TMPRSS11A: variants seen among roughly 807,000 people sequenced by gnomAD.
TMPRSS11A encodes the protein transmembrane protease serine 11A.
In TMPRSS11A, 53 loss-of-function variants were observed where a neutral mutation model predicts 58.9. The ratio of observed to expected loss-of-function variants is 0.90; its 90% CI spans 0.72 to 1.13. The LOEUF (loss-of-function observed/expected upper bound fraction) is 1.13, where lower values mean the gene tolerates loss of function less well. Ranked by LOEUF, TMPRSS11A falls within the 50% of genes most tolerant of loss-of-function variation. The probability of loss-of-function intolerance (pLI) is 0.00; values close to 1 mark genes in which losing one functional copy is unlikely to be tolerated. For synonymous variants in TMPRSS11A, 167 were observed against 169.8 expected (o/e 0.98, Z 0.13); for missense variants, 493 against 499.3 (o/e 0.99, Z 0.12).
intron 1 of TMPRSS11A, among the ~76,000 whole-genome samples, chr4:67,960,310 A>T (rs1721394003): frequency 6.6e-6 from 1 of 152,222 alleles, no homozygotes; most frequent in South Asian, 2.1e-4. Context: ...AATTAAATTA[A>T]AAAACAGTTA....
At chr4:67,956,705 G>A (rs1721299279) in intron 1 of TMPRSS11A, among the ~76,000 whole-genome samples, 1 of 152,338 alleles carries the variant, frequency 6.6e-6, no homozygotes, top group African/African-American at 2.4e-5. Flanking sequence ...ATCACCCACT[G>A]TGGAATCATA....
rs1720776481 is a variant in TMPRSS11A, at chr4:67,937,279, A to C, written c.253-5219T>G. 1.1e-4 allele frequency among the ~76,000 whole-genome samples: 16 copies of C among 152,236 alleles called. No individual in the cohort carries two copies. In the South Asian group the frequency reaches 3.1e-3, roughly 30 times the overall value. Reference sequence around the variant, plus strand: ...CACACTAGATGTACATACACATGTCAATATATCCATCAGCTTCCTTCATCT... The same window carrying C: ...CACACTAGATGTACATACACATGTCCATATATCCATCAGCTTCCTTCATCT... On this transcript the variant is annotated intron_variant, in intron 3 of 9. Coordinates refer to ENST00000508048, the MANE Select transcript of TMPRSS11A (RefSeq NM_001114387.2).
intron 1 of TMPRSS11A, among the ~76,000 whole-genome samples, chr4:67,948,095 G>A (rs558925382): frequency 6.6e-6 from 1 of 151,674 alleles, no homozygotes; most frequent in South Asian, 2.1e-4. Context: ...TTTCTTCACA[G>A]GATTGGTTGA....
intron 5 of TMPRSS11A, among the ~76,000 whole-genome samples, chr4:67,925,719 T>C (rs1332541353): frequency 6.6e-6 from 1 of 152,224 alleles, no homozygotes; most frequent in Non-Finnish European, 1.5e-5. Context: ...TTAAGAAAAC[T>C]ATATATTTTG....
In TMPRSS11A at chr4:67,922,809, C is replaced by A. The variant is rs1720364316; in HGVS notation, c.638G>T (p.Gly213Val). The stretch of plus-strand genomic sequence containing the variant: ...CCATGTGTTACTAATCAAGGTGGCC[C>A]CACACTGATGGATGTTATCATACTG... ...SLQYDNIHQC[G>V]ATLISNTWLV... The change falls in exon 7 of 10, where the codon GGG becomes GTG. Residue 213 changes from glycine to valine, a missense_variant. By Grantham distance (109) the Gly-to-Val change is moderately radical (BLOSUM62 -3). Coordinates refer to ENST00000508048, the MANE Select transcript of TMPRSS11A (RefSeq NM_001114387.2). 5 of 1,613,948 alleles carry A rather than the reference C, an allele frequency of 3.1e-6. No individual in the cohort carries two copies. In the South Asian group the frequency reaches 5.5e-5, roughly 18 times the overall value.
Position 67,929,874 on chromosome 4 carries a change from C to T in TMPRSS11A, c.481+6G>A. The T allele has an allele frequency of 6.2e-7, 1 of 1,603,814 alleles. No homozygotes were observed. The highest frequency in any genetic ancestry group is 8.5e-7 in the Non-Finnish European group (1 of 1,173,404). On this transcript the variant is annotated splice_donor_region_variant and intron_variant, in intron 5 of 9. Transcript: ENST00000508048. ...CTTCATATCACATAGAAGGGGACCT[C>T]CTTACCATTAACTTGAACTGATGAG...
intron 3 of TMPRSS11A, among the ~76,000 whole-genome samples, chr4:67,936,919 G>A (rs949311866): frequency 6.6e-6 from 1 of 152,146 alleles, no homozygotes; most frequent in Non-Finnish European, 1.5e-5. Context: ...TCTATTTAAA[G>A]CTGTACTAAA....
At chr4:67,958,394 A>G (rs1721340910) in intron 1 of TMPRSS11A, among the ~76,000 whole-genome samples, 1 of 152,244 alleles carries the variant, frequency 6.6e-6, no homozygotes, top group Admixed American at 6.5e-5. Flanking sequence ...CACCTTTTGC[A>G]TCAGTGTGAC....
chr4:67,920,549 A>ATAT (rs371252656), intron 7 of TMPRSS11A, among the ~76,000 whole-genome samples: 20,444 of 130,482 alleles, frequency 0.16, 1,722 homozygotes, highest in Non-Finnish European at 0.17. Context: ...ATATATATAT[A>ATAT]TTTTTTTTTA....
rs768268002 is a variant in TMPRSS11A, at chr4:67,963,397, C to T, written c.-4G>A. The stretch of plus-strand genomic sequence containing the variant: ...ACTGAACTTACCGATACATCATGTA[C>T]AGGAGGAAGAATATGATCTTGCAGG... On this transcript the variant is annotated 5_prime_UTR_variant, in exon 1 of 10. Coordinates refer to ENST00000508048, the MANE Select transcript of TMPRSS11A (RefSeq NM_001114387.2). 5.0e-6 allele frequency: 8 copies of T among 1,613,608 alleles called. No individual in the cohort carries two copies. The South Asian group carries it at 8.8e-5, about 18-fold the overall frequency.
chr4:67,932,090 TTAA>T, intron 3 of TMPRSS11A, 30 bp from the exon 4 acceptor site: 3 of 1,275,452 alleles, frequency 2.4e-6, no homozygotes, highest in Non-Finnish European at 3.4e-6. Flanking sequence ...AAACTATGTG[TTAA>T]TAATATATTT....
intron 1 of TMPRSS11A, among the ~76,000 whole-genome samples, chr4:67,952,392 T>G (rs1008586077): frequency 6.6e-6 from 1 of 152,186 alleles, no homozygotes; most frequent in African/African-American, 2.4e-5. Flanking sequence ...GAACTTCAAG[T>G]AGCATAAAAG....
intron 7 of TMPRSS11A, among the ~76,000 whole-genome samples, chr4:67,920,577 ATATGCATATATATACACACATATATATG>A (rs1295540173): frequency 6.8e-6 from 1 of 146,588 alleles, no homozygotes; most frequent in Non-Finnish European, 1.5e-5. Context: ...ACACACACAT[ATATGCATATATATACACACATATATATG>A]TATGCATATA....
At chr4:67,923,987 A>C (rs971708464) in intron 6 of TMPRSS11A, 141 bp downstream of exon 6, 1 of 790,560 alleles carries the variant, frequency 1.3e-6, no homozygotes, top group South Asian at 1.5e-5. Flanking sequence ...TAGAAAAAAA[A>C]TGTATTTAAA....
chr4:67,936,979 GGTTC>G (rs1487196860), intron 3 of TMPRSS11A, among the ~76,000 whole-genome samples: 1 of 152,080 alleles, frequency 6.6e-6, no homozygotes, highest in East Asian at 1.9e-4. Flanking sequence ...TTATTTAGAA[GGTTC>G]ATGTCCTCTC....
At chr4:67,943,763 G>A (rs749346717) in intron 3 of TMPRSS11A, among the ~76,000 whole-genome samples, 9 of 152,122 alleles carry the variant, frequency 5.9e-5, no homozygotes, top group Non-Finnish European at 1.2e-4. Flanking sequence ...TGGACAAAGA[G>A]CAAATGATGA....
At chr4:67,957,413 A>G (rs1721313858) in intron 1 of TMPRSS11A, among the ~76,000 whole-genome samples, 1 of 152,194 alleles carries the variant, frequency 6.6e-6, no homozygotes, top group Non-Finnish European at 1.5e-5. Context: ...TCAGATGGAG[A>G]TAAGGAACTT....
At chr4:67,949,356 G>A (rs992259462) in intron 1 of TMPRSS11A, among the ~76,000 whole-genome samples, 2 of 152,134 alleles carry the variant, frequency 1.3e-5, no homozygotes, top group African/African-American at 4.8e-5. Context: ...AGCATCTGAG[G>A]GAAAATGGTG....
chr4:67,939,758 G>A (rs1343752374), intron 3 of TMPRSS11A, among the ~76,000 whole-genome samples: 2 of 151,988 alleles, frequency 1.3e-5, no homozygotes, highest in African/African-American at 2.4e-5. Context: ...GCACGATCTC[G>A]GCTCACTGCA....
Sources: gnomAD v4.1 joint callset for allele counts (sites outside exome capture counted in the v4.1 genomes callset) on GRCh38, gnomAD v4.1.1 for gene constraint, MANE v1.5 for transcripts, NCBI Gene and HGNC (gene_info 2026-07-23, HGNC 2026-07-21) for gene names.